The following RIMS2 variants were observed in gnomAD, a reference collection of about 807,000 sequenced individuals.
RIMS2 encodes regulating synaptic membrane exocytosis 2, also known as regulating synaptic membrane exocytosis protein 2.
RIMS2 carries 59 observed loss-of-function variants against 174.4 expected under a neutral mutation model. That is an observed-to-expected ratio of 0.34 (90% CI 0.27 to 0.42). The LOEUF (loss-of-function observed/expected upper bound fraction) is 0.42. Ranked by LOEUF, RIMS2 falls within the 10% of genes least tolerant of loss-of-function variation. The probability of loss-of-function intolerance (pLI) is 1.00; values close to 1 mark genes in which losing one functional copy is unlikely to be tolerated. For synonymous variants in RIMS2, 606 were observed against 572.5 expected, an observed-to-expected ratio of 1.06 and a Z score of -0.84; for missense variants, 1,620 against 1,666.3, an observed-to-expected ratio of 0.97 and a Z score of 0.48.
intron 1 of RIMS2, among the ~76,000 whole-genome samples, chr8:103,502,774 A>G (rs915037030): frequency 6.6e-6 from 1 of 151,972 alleles, no homozygotes; most frequent in African/African-American, 2.4e-5. Flanking sequence ...ATGTAGTTTT[A>G]TTTTTTTGAC....
At chr8:104,035,642 G>T (rs2096497433) in intron 19 of RIMS2, among the ~76,000 whole-genome samples, 1 of 151,480 alleles carries the variant, frequency 6.6e-6, no homozygotes, top group South Asian at 2.1e-4. Flanking sequence ...TTGATACTTT[G>T]TACTTTTGTT....
At chr8:103,985,725 G>A (rs1275297718) in intron 16 of RIMS2, among the ~76,000 whole-genome samples, 2 of 151,992 alleles carry the variant, frequency 1.3e-5, no homozygotes, top group African/African-American at 2.4e-5. Flanking sequence ...GAATGAAACT[G>A]TCATCAACAG....
chr8:103,827,991 T>C (rs1409296108), intron 3 of RIMS2, among the ~76,000 whole-genome samples: 1 of 152,206 alleles, frequency 6.6e-6, no homozygotes, highest in African/African-American at 2.4e-5. Flanking sequence ...ATAATAATGC[T>C]AATTTTATTA....
At chr8:104,043,117 T>C (rs1264827098) in intron 19 of RIMS2, among the ~76,000 whole-genome samples, 2 of 151,590 alleles carry the variant, frequency 1.3e-5, no homozygotes, top group South Asian at 4.1e-4. Context: ...ATGGTAGAAC[T>C]AGACAGTAAT....
chr8:103,762,786 T>G (rs2098126195), intron 2 of RIMS2, among the ~76,000 whole-genome samples: 1 of 152,162 alleles, frequency 6.6e-6, no homozygotes, highest in South Asian at 2.1e-4. Flanking sequence ...CTAGATGGTA[T>G]AGCCTTCTAC....
chr8:103,962,612 A>T (rs1053146714), intron 15 of RIMS2, among the ~76,000 whole-genome samples: 7 of 149,556 alleles, frequency 4.7e-5, no homozygotes, highest in African/African-American at 1.8e-4. Flanking sequence ...TTTATTTTTT[A>T]TTGATTGATT....
intron 19 of RIMS2, among the ~76,000 whole-genome samples, chr8:104,060,425 A>G (rs1202459147): frequency 5.1e-4 from 74 of 145,672 alleles, no homozygotes; most frequent in South Asian, 1.1e-3. Flanking sequence ...TATCCCCTTT[A>G]TCATTTTTAT....
intron 3 of RIMS2, among the ~76,000 whole-genome samples, chr8:103,817,517 A>G (rs1267454194): frequency 1.3e-5 from 2 of 152,242 alleles, no homozygotes; most frequent in Non-Finnish European, 2.9e-5. Flanking sequence ...GCAGTGGCTC[A>G]CGCCTGTAAT....
intron 19 of RIMS2, among the ~76,000 whole-genome samples, chr8:104,151,565 C>T (rs1390445182): frequency 1.4e-5 from 2 of 141,524 alleles, no homozygotes; most frequent in African/African-American, 5.3e-5. Flanking sequence ...GAGACTCTGT[C>T]CTGCACTCCC....
intron 19 of RIMS2, among the ~76,000 whole-genome samples, chr8:104,124,015 T>G (rs1474982567): frequency 6.6e-6 from 1 of 152,158 alleles, no homozygotes; most frequent in Non-Finnish European, 1.5e-5. Flanking sequence ...CCTGTGCAAT[T>G]ACACCAACTG....
At chr8:103,627,710 A>G (rs7827862) in intron 1 of RIMS2, among the ~76,000 whole-genome samples, 4,723 of 152,336 alleles carry the variant, frequency 0.031, 221 homozygotes, top group African/African-American at 0.1. Context: ...GTTCATCAAG[A>G]AAGTAAAAAG....
chr8:103,835,306 C>T (rs2098873160), intron 3 of RIMS2, among the ~76,000 whole-genome samples: 1 of 151,292 alleles, frequency 6.6e-6, no homozygotes, highest in African/African-American at 2.4e-5. Flanking sequence ...TTTCACTATG[C>T]TGGCCGGGCT....
intron 15 of RIMS2, among the ~76,000 whole-genome samples, chr8:103,967,195 T>TG (rs1565580889): frequency 7.3e-6 from 1 of 137,458 alleles, no homozygotes; most frequent in African/African-American, 2.8e-5. Flanking sequence ...TTTTTTTTTT[T>TG]TTTTTGAGAT....
At chr8:103,700,607 T>C (rs1010063084) in intron 2 of RIMS2, among the ~76,000 whole-genome samples, 29 of 151,974 alleles carry the variant, frequency 1.9e-4, no homozygotes, top group Admixed American at 1.8e-3. Context: ...TAATTGGATG[T>C]TTATAAAATT....
chr8:103,572,869 A>T (rs541311241), intron 1 of RIMS2, among the ~76,000 whole-genome samples: 1 of 152,226 alleles, frequency 6.6e-6, no homozygotes, highest in African/African-American at 2.4e-5. Flanking sequence ...TACTCTGTTG[A>T]TAGCTTCTTT....
chr8:104,150,279 T>C (rs1258976930), intron 19 of RIMS2, among the ~76,000 whole-genome samples: 1 of 152,228 alleles, frequency 6.6e-6, no homozygotes, highest in Non-Finnish European at 1.5e-5. Flanking sequence ...TGAAACTAAA[T>C]AATTAATTCC....
chr8:104,115,177 G>A (rs964413258), intron 19 of RIMS2, among the ~76,000 whole-genome samples: 1 of 152,022 alleles, frequency 6.6e-6, no homozygotes, highest in African/African-American at 2.4e-5. Flanking sequence ...AATTGCATAG[G>A]AATAACAGCT....
chr8:103,599,841 A>C (rs1371693946), intron 1 of RIMS2, among the ~76,000 whole-genome samples: 1 of 152,194 alleles, frequency 6.6e-6, no homozygotes, highest in African/African-American at 2.4e-5. Flanking sequence ...TAGTAATCAC[A>C]TCATGGAAAA....
chr8:103,566,321 G>A (rs2092340606), intron 1 of RIMS2, among the ~76,000 whole-genome samples: 1 of 151,932 alleles, frequency 6.6e-6, no homozygotes, highest in South Asian at 2.1e-4. Flanking sequence ...TTTCTTCTGT[G>A]ACCACCCCAT....
Sources: gnomAD v4.1 joint callset for allele counts (sites outside exome capture counted in the v4.1 genomes callset) on GRCh38, gnomAD v4.1.1 for gene constraint, MANE v1.5 for transcripts, NCBI Gene and HGNC (gene_info 2026-07-23, HGNC 2026-07-21) for gene names.